Variants in PTPRD observed in about 807,000 individuals in gnomAD.
The protein encoded by PTPRD is receptor-type tyrosine-protein phosphatase delta.
In PTPRD, 34 loss-of-function variants were observed where a neutral mutation model predicts 214.5. That is an observed-to-expected ratio of 0.16 (90% CI 0.12 to 0.21). The LOEUF (loss-of-function observed/expected upper bound fraction) is 0.21. PTPRD is among the 10% of genes least tolerant of loss of function. PTPRD has a pLI of 1.00. For missense variants in PTPRD, 2,545 were observed against 2,398.7 expected, an observed-to-expected ratio of 1.06 and a Z score of -1.27; for synonymous variants, 1,128 against 845.7, an observed-to-expected ratio of 1.33 and a Z score of -5.79.
At chr9:10,022,656 A>G (rs1346818414) in intron 4 of PTPRD, among the ~76,000 whole-genome samples, 9 of 152,230 alleles carry the variant, frequency 5.9e-5, no homozygotes, top group African/African-American at 4.8e-5. Flanking sequence ...TCTAAACTAT[A>G]GGAAAAAAAT....
At chr9:10,355,762 G>C (rs538917966) in intron 2 of PTPRD, among the ~76,000 whole-genome samples, 1 of 152,096 alleles carries the variant, frequency 6.6e-6, no homozygotes. Flanking sequence ...ACAGGCGTGA[G>C]CCACCGCGGC....
At chr9:8,542,921 A>G (rs1029280781) in intron 14 of PTPRD, among the ~76,000 whole-genome samples, 1 of 152,212 alleles carries the variant, frequency 6.6e-6, no homozygotes, top group Non-Finnish European at 1.5e-5. Context: ...CAATTCCTGC[A>G]ATTTGAAGAC....
intron 3 of PTPRD, among the ~76,000 whole-genome samples, chr9:10,164,240 A>G (rs994537984): frequency 6.6e-6 from 1 of 151,558 alleles, no homozygotes; most frequent in East Asian, 1.9e-4. Context: ...CTACAAATCT[A>G]TTTTAGCACT....
intron 14 of PTPRD, among the ~76,000 whole-genome samples, chr9:8,606,557 T>C (rs1437380316): frequency 6.6e-6 from 1 of 152,128 alleles, no homozygotes; most frequent in South Asian, 2.1e-4. Flanking sequence ...AAGTAACTGT[T>C]GAAGGAGGGA....
intron 11 of PTPRD, among the ~76,000 whole-genome samples, chr9:8,908,834 CAAGAATAA>C (rs1163516122): frequency 6.6e-6 from 1 of 150,894 alleles, no homozygotes; most frequent in Non-Finnish European, 1.5e-5. Context: ...CTCGATTATC[CAAGAATAA>C]AAGGGAGAAA....
Position 10,534,694 on chromosome 9 carries a change from C to T in PTPRD, c.-600+77704G>A, listed in dbSNP as rs570703955. 7.3e-4 allele frequency among the ~76,000 whole-genome samples: 111 copies of T among 152,072 alleles called. 1 individual carries two copies. Among genetic ancestry groups the T allele is most frequent in the African/African-American group, 2.6e-3 (106 of 41,490 alleles). On this transcript the variant is annotated intron_variant, in intron 2 of 45. Transcript: ENST00000381196. The stretch of plus-strand genomic sequence containing the variant: ...CCTTCAAGGTTTCCAACGGCAAATG[C>T]TACTATCTACTAAGAAGAAGAAGAA...
At chr9:8,404,433 T>G in intron 36 of PTPRD, 104 bp downstream of exon 36, 1 of 1,433,188 alleles carries the variant, frequency 7.0e-7, no homozygotes, top group Non-Finnish European at 9.4e-7. Context: ...ACAGCCATCT[T>G]AATTACTTTC....
At chr9:9,795,475 A>G (rs2098996138) in intron 5 of PTPRD, among the ~76,000 whole-genome samples, 1 of 152,208 alleles carries the variant, frequency 6.6e-6, no homozygotes, top group Non-Finnish European at 1.5e-5. Flanking sequence ...TAAGGAACCA[A>G]AAACAAGTCT....
Position 10,003,205 on chromosome 9 carries a change from AT to A in PTPRD, c.-472+30512del, listed in dbSNP as rs372455601. Among the ~76,000 whole-genome samples the A allele has an allele frequency of 3.0e-4, 45 of 151,914 alleles. No individual in the cohort carries two copies. The East Asian group carries it at 8.3e-3, about 28-fold the overall frequency. ...TTATGGAATTGAAAGGATATGACACATCCACAGAATTACATGTAGTTATATG... is the reference window on the plus strand; with the variant it reads ...TTATGGAATTGAAAGGATATGACACACCACAGAATTACATGTAGTTATATG... On this transcript the variant is annotated intron_variant, in intron 4 of 45. Coordinates refer to ENST00000381196, the MANE Select transcript of PTPRD (RefSeq NM_002839.4).
At chr9:9,846,062 G>T (rs1355863021) in intron 5 of PTPRD, among the ~76,000 whole-genome samples, 1 of 152,080 alleles carries the variant, frequency 6.6e-6, no homozygotes, top group Non-Finnish European at 1.5e-5. Flanking sequence ...AAATTATGTA[G>T]CTAGGCATGG....
chr9:8,612,943 C>T (rs896069088), intron 14 of PTPRD, among the ~76,000 whole-genome samples: 19 of 152,016 alleles, frequency 1.2e-4, no homozygotes, highest in Admixed American at 2.0e-4. Context: ...GAACTACTAC[C>T]GTGCCTTCAG....
intron 2 of PTPRD, among the ~76,000 whole-genome samples, chr9:10,500,835 A>G (rs2043448781): frequency 6.6e-6 from 1 of 151,960 alleles, no homozygotes; most frequent in Admixed American, 6.6e-5. Context: ...TTCACTTAAC[A>G]TAATGACCTC....
chr9:8,354,458 A>G (rs1041640613), intron 39 of PTPRD, among the ~76,000 whole-genome samples: 6 of 152,244 alleles, frequency 3.9e-5, no homozygotes, highest in African/African-American at 1.4e-4. Flanking sequence ...TCAATTATAA[A>G]TGGCTATCCA....
At chr9:9,050,212 A>G (rs1445379627) in intron 10 of PTPRD, among the ~76,000 whole-genome samples, 1 of 152,216 alleles carries the variant, frequency 6.6e-6, no homozygotes, top group African/African-American at 2.4e-5. Context: ...TCCCTTTAAC[A>G]TTATTTTATT....
chr9:9,104,526 C>T (rs117294733), intron 10 of PTPRD, among the ~76,000 whole-genome samples: 3 of 152,006 alleles, frequency 2.0e-5, no homozygotes, highest in African/African-American at 4.8e-5. Flanking sequence ...TTTGCAAAAC[C>T]GTTATTTCCA....
At chr9:9,256,210 G>C (rs571956916) in intron 9 of PTPRD, among the ~76,000 whole-genome samples, 4 of 152,124 alleles carry the variant, frequency 2.6e-5, no homozygotes, top group Admixed American at 2.0e-4. Context: ...ACAAAGAAGA[G>C]TGACAATGAC....
intron 2 of PTPRD, among the ~76,000 whole-genome samples, chr9:10,347,028 G>A (rs909730929): frequency 6.6e-6 from 1 of 151,540 alleles, no homozygotes; most frequent in Non-Finnish European, 1.5e-5. Context: ...TAGACCATGG[G>A]AAAAAAAATA....
intron 11 of PTPRD, among the ~76,000 whole-genome samples, chr9:8,904,600 AG>A (rs1473104951): frequency 3.3e-5 from 5 of 149,702 alleles, no homozygotes; most frequent in Non-Finnish European, 5.9e-5. Flanking sequence ...TGAACCCGGG[AG>A]GCAAAAGTTG....
chr9:10,350,588 G>A (rs2097164979), intron 2 of PTPRD, among the ~76,000 whole-genome samples: 1 of 152,070 alleles, frequency 6.6e-6, no homozygotes, highest in South Asian at 2.1e-4. Flanking sequence ...TACAGATGAT[G>A]AAACAGAGGT....
Sources: gnomAD v4.1 joint callset for allele counts (sites outside exome capture counted in the v4.1 genomes callset) on GRCh38, gnomAD v4.1.1 for gene constraint, MANE v1.5 for transcripts, NCBI Gene and HGNC (gene_info 2026-07-23, HGNC 2026-07-21) for gene names.